The following EXOC6B variants were observed in gnomAD, a reference collection of about 807,000 sequenced individuals.
EXOC6B encodes the protein SEC15 homolog B.
In EXOC6B, 54 loss-of-function variants were observed where a neutral mutation model predicts 113.5. The observed-to-expected ratio is 0.48, with a 90% CI of 0.38 to 0.60. EXOC6B has a LOEUF of 0.60. Among genes scored for constraint, EXOC6B ranks in the 20% least tolerant of loss-of-function variants. The pLI, the probability that EXOC6B is intolerant of heterozygous loss-of-function variation, is 0.00. For synonymous variants in EXOC6B, 357 were observed against 339.0 expected (o/e 1.05, Z -0.58); for missense variants, 797 against 977.5 (o/e 0.82, Z 2.46).
intron 6 of EXOC6B, among the ~76,000 whole-genome samples, chr2:72,611,623 G>C (rs974129241): frequency 5.3e-5 from 8 of 152,104 alleles, no homozygotes; most frequent in Admixed American, 2.0e-4. Context: ...AACTGGTTGA[G>C]GAGGATATAG....
At chr2:72,405,337 A>G (rs1693660499) in intron 18 of EXOC6B, among the ~76,000 whole-genome samples, 2 of 152,198 alleles carry the variant, frequency 1.3e-5, no homozygotes. Flanking sequence ...ATTCAAATTC[A>G]GGAAATACAG....
At chr2:72,500,072 C>G in intron 11 of EXOC6B, 100 bp from the exon 12 acceptor site, 1 of 753,434 alleles carries the variant, frequency 1.3e-6, no homozygotes. Context: ...CTGGCAAATT[C>G]TTTACCTGGT....
At chr2:72,667,065 G>C (rs529455593) in intron 6 of EXOC6B, among the ~76,000 whole-genome samples, 2 of 151,934 alleles carry the variant, frequency 1.3e-5, no homozygotes, top group East Asian at 1.9e-4. Flanking sequence ...GGGTTTCACC[G>C]TATTAGCCAG....
chr2:72,373,197 TAGCTGGGATTACATGGCC>T, intron 19 of EXOC6B, among the ~76,000 whole-genome samples: 1 of 151,442 alleles, frequency 6.6e-6, no homozygotes, highest in East Asian at 2.0e-4. Flanking sequence ...GCCTCTCGAG[TAGCTGGGATTACATGGCC>T]AGCTAATTTT....
chr2:72,683,034 A>T (rs1676824512), intron 6 of EXOC6B, among the ~76,000 whole-genome samples: 1 of 152,194 alleles, frequency 6.6e-6, no homozygotes, highest in Admixed American at 6.5e-5. Flanking sequence ...AACATTTGAC[A>T]ATCTTGTTAC....
chr2:72,365,490 C>T (rs1690564020), intron 19 of EXOC6B, among the ~76,000 whole-genome samples: 1 of 152,104 alleles, frequency 6.6e-6, no homozygotes, highest in African/African-American at 2.4e-5. Context: ...CTAGAGGCAG[C>T]TTCCAGGATG....
intron 1 of EXOC6B, among the ~76,000 whole-genome samples, chr2:72,750,741 C>T (rs149148999): frequency 6.6e-4 from 101 of 152,200 alleles, no homozygotes; most frequent in African/African-American, 2.4e-3. Flanking sequence ...GAAATCTCAA[C>T]TGACAATTTA....
chr2:72,240,648 C>T (rs1682256722), intron 20 of EXOC6B, among the ~76,000 whole-genome samples: 1 of 152,074 alleles, frequency 6.6e-6, no homozygotes, highest in South Asian at 2.1e-4. Context: ...CCCTGGCCTA[C>T]AATCATCTGC....
At chr2:72,284,208 T>C (rs560745594) in intron 20 of EXOC6B, among the ~76,000 whole-genome samples, 1 of 152,246 alleles carries the variant, frequency 6.6e-6, no homozygotes, top group Non-Finnish European at 1.5e-5. Context: ...CTCATAAACA[T>C]AGATGCAAAC....
chr2:72,389,654 T>C (rs2105105387), intron 18 of EXOC6B, among the ~76,000 whole-genome samples: 1 of 152,194 alleles, frequency 6.6e-6, no homozygotes, highest in East Asian at 1.9e-4. Flanking sequence ...GATTATAGGA[T>C]TCCTTGGTGA....
At chr2:72,470,834 T>C (rs1307731125) in intron 17 of EXOC6B, among the ~76,000 whole-genome samples, 1 of 152,110 alleles carries the variant, frequency 6.6e-6, no homozygotes, top group Non-Finnish European at 1.5e-5. Context: ...CCATGGTGTA[T>C]ATGTGCCAAC....
rs556374662 is a variant in EXOC6B at position 72,392,065 on chromosome 2, A to T, written c.1981-12195T>A. Among the ~76,000 whole-genome samples the T allele has an allele frequency of 3.3e-5, 5 of 152,242 alleles. No individual in the cohort carries two copies. In the South Asian group the frequency reaches 1.0e-3, roughly 32 times the overall value. The stretch of plus-strand genomic sequence containing the variant: ...AGAATACATATTTCATTCTTTTTTT[A>T]AAAATCTTGATTTATAATTTAAAGG... On this transcript the variant is annotated intron_variant, in intron 18 of 21. Coordinates refer to ENST00000272427, the MANE Select transcript of EXOC6B (RefSeq NM_015189.3).
chr2:72,409,297 C>A lies in EXOC6B; in HGVS notation c.1981-29427G>T, dbSNP rs368820753. Among the ~76,000 whole-genome samples the A allele has an allele frequency of 2.0e-4, 31 of 152,276 alleles. No homozygotes were observed. In the East Asian group the frequency reaches 2.3e-3, roughly 11 times the overall value. On this transcript the variant is annotated intron_variant, in intron 18 of 21. Coordinates refer to ENST00000272427, the MANE Select transcript of EXOC6B (RefSeq NM_015189.3). ...CTGTAAACTAGTTCAACCATTGTGG[C>A]AGTCAGTGTGGCAATTCCTCAGTGA...
At chr2:72,290,250 G>A (rs1039986946) in intron 20 of EXOC6B, among the ~76,000 whole-genome samples, 1 of 152,140 alleles carries the variant, frequency 6.6e-6, no homozygotes, top group Non-Finnish European at 1.5e-5. Flanking sequence ...CTGTATGTGT[G>A]TGTATACAAA....
rs1227895314 is a variant in EXOC6B at position 72,496,508 on chromosome 2, C to T, written c.1389G>A (p.Glu463=). 7.5e-6 allele frequency: 12 copies of T among 1,601,820 alleles called. No individual in the cohort carries two copies. Among genetic ancestry groups the T allele is most frequent in the Non-Finnish European group, 8.5e-7 (1 of 1,172,752 alleles). The change falls in exon 14 of 22, where the codon GAG becomes GAA. Residue 463 remains glutamate (E), a synonymous_variant. Coordinates refer to ENST00000272427, the MANE Select transcript of EXOC6B (RefSeq NM_015189.3). ...ATTGTCCTACCACCTTTTTGTACATCTCTTCACTTGTTACTGGTATAGGAC... is the reference window on the plus strand; with the variant it reads ...ATTGTCCTACCACCTTTTTGTACATTTCTTCACTTGTTACTGGTATAGGAC... The part of the protein sequence containing the change: ...NYSPIPVTSE[E]MYKKVVGQFP...
Position 72,498,456 on chromosome 2 carries a change from G to A in EXOC6B, c.1335C>T (p.Phe445=), listed in dbSNP as rs1373113387. 1 of 1,605,908 alleles carries A rather than the reference G, an allele frequency of 6.2e-7. No individual in the cohort carries two copies. Among genetic ancestry groups the A allele is most frequent in the South Asian group, 1.1e-5 (1 of 89,992 alleles). Residue 445 remains phenylalanine, a splice_region_variant and synonymous_variant, in exon 13 of 22, where the codon TTC becomes TTT. Coordinates refer to ENST00000272427, the MANE Select transcript of EXOC6B (RefSeq NM_015189.3). ...ETLLKKWAGI[F]RNILDSDNYS... ...TATGACTATAGATAATTTCTCACCT[G>A]AAAATACCTGCCCACTTCTTTAGCA...
chr2:72,745,174 C>T (rs188032515), intron 1 of EXOC6B, among the ~76,000 whole-genome samples: 14 of 152,200 alleles, frequency 9.2e-5, no homozygotes, highest in African/African-American at 3.4e-4. Context: ...GTTAATGGAT[C>T]AGGGGTGGTG....
chr2:72,706,313 T>C (rs1221660788), intron 6 of EXOC6B, among the ~76,000 whole-genome samples: 1 of 152,184 alleles, frequency 6.6e-6, no homozygotes, highest in African/African-American at 2.4e-5. Flanking sequence ...GTGTGTGTCA[T>C]GGTCAGGAGG....
chr2:72,456,315 T>C (rs1697229574), intron 18 of EXOC6B, among the ~76,000 whole-genome samples: 1 of 152,152 alleles, frequency 6.6e-6, no homozygotes. Context: ...TTGACTTCTC[T>C]TTTCTATAAT....
Sources: allele counts gnomAD v4.1 joint callset (sites outside exome capture counted in the v4.1 genomes callset), GRCh38; gene constraint gnomAD v4.1.1; transcripts MANE v1.5; gene names NCBI Gene and HGNC (gene_info 2026-07-23, HGNC 2026-07-21).